Variants in FAM83F observed in about 807,000 individuals in gnomAD.
FAM83F encodes the protein protein FAM83F.
A neutral mutation model predicts 42.9 loss-of-function variants in FAM83F; 45 were observed. The ratio of observed to expected loss-of-function variants is 1.05; its 90% CI spans 0.83 to 1.35. The LOEUF (loss-of-function observed/expected upper bound fraction) is 1.35. FAM83F is among the 40% of genes most tolerant of loss of function. FAM83F has a pLI of 0.00. For missense variants in FAM83F, 617 were observed against 695.9 expected (o/e 0.89, Z 1.28); for synonymous variants, 306 against 298.3 (o/e 1.03, Z -0.27).
rs986523654 is a variant in FAM83F, at chr22:39,995,588, C to A, written c.489+57C>A. On this transcript the variant is annotated intron_variant, in intron 1 of 4. Coordinates refer to ENST00000333407, the MANE Select transcript of FAM83F (RefSeq NM_138435.4). The surrounding 1 kb of genome is among the most constrained non-coding windows in gnomAD (Gnocchi z 4.6). ...GGACCTCGGCCCCAGTCCCCTGGAC[C>A]GGGCCCCACCTCCCAGGCAGGGCCC... 2 of 1,466,346 alleles carry A rather than the reference C, an allele frequency of 1.4e-6. No homozygotes were observed. The highest frequency in any genetic ancestry group is 9.1e-7 in the Non-Finnish European group (1 of 1,104,912). 90.8% of individuals were successfully genotyped at this position (1,466,346 alleles called of 1,614,324 possible). A position where few individuals can be genotyped will look rare whatever the true frequency, so the allele number is the denominator to read the frequency against.
Position 40,035,633 on chromosome 22 carries a change from G to T in FAM83F, c.*6068G>T, listed in dbSNP as rs1297753441. Reference sequence around the variant, plus strand: ...CCTTGGCGGGGGCGCATGGCATAGAGAGGACAGGCTTCAGAACAGGCAGGC... The same window carrying T: ...CCTTGGCGGGGGCGCATGGCATAGATAGGACAGGCTTCAGAACAGGCAGGC... On this transcript the variant is annotated 3_prime_UTR_variant, in exon 5 of 5. Transcript: ENST00000333407. 3 of 152,242 alleles carry T rather than the reference G, an allele frequency of 2.0e-5. No individual in the cohort carries two copies. The highest frequency in any genetic ancestry group is 7.2e-5 in the African/African-American group (3 of 41,448). The allele number at this position is 152,242 out of a possible 1,614,324, so 9.4% of individuals were successfully genotyped here.
rs1446713112 is a variant in FAM83F, at chr22:40,035,344, G to C, written c.*5779G>C. The C allele has an allele frequency of 6.6e-6, 1 of 152,276 alleles. No homozygotes were observed. Among genetic ancestry groups the C allele is most frequent in the East Asian group, 1.9e-4 (1 of 5,194 alleles). The allele number at this position is 152,276 out of a possible 1,614,324, so 9.4% of individuals were successfully genotyped here. A position where few individuals can be genotyped will look rare whatever the true frequency, so the allele number is the denominator to read the frequency against. ...GTATGTCCGCGGTGCCCACAGTGCT[G>C]TGGGTACAAGCAAGGGGAAAAGAGC... is the stretch of plus-strand genomic sequence containing the variant. On this transcript the variant is annotated 3_prime_UTR_variant, in exon 5 of 5. Coordinates refer to ENST00000333407, the MANE Select transcript of FAM83F (RefSeq NM_138435.4).
At chr22:40,019,076 T>C in intron 1 of FAM83F, 92 bp from the exon 2 acceptor site, 2 of 1,481,020 alleles carry the variant, frequency 1.4e-6, no homozygotes, top group Non-Finnish European at 1.8e-6. Context: ...TGGCCACCAG[T>C]GACCCCAGGG....
At chr22:40,013,437 A>G (rs997090105) in intron 1 of FAM83F, among the ~76,000 whole-genome samples, 4 of 152,148 alleles carry the variant, frequency 2.6e-5, no homozygotes, top group African/African-American at 7.2e-5. Flanking sequence ...GTGGGTATAC[A>G]TGTATATATG....
intron 1 of FAM83F, among the ~76,000 whole-genome samples, chr22:39,998,587 A>C (rs1373436264): frequency 6.6e-6 from 1 of 152,038 alleles, no homozygotes. Flanking sequence ...GACTGGTAGG[A>C]GGGCCTTTGA....
intron 1 of FAM83F, among the ~76,000 whole-genome samples, chr22:40,017,102 A>G (rs2067496322): frequency 6.6e-6 from 1 of 152,106 alleles, no homozygotes; most frequent in African/African-American, 2.4e-5. Context: ...GGTATTGTGT[A>G]GGGCAGGGCA....
intron 4 of FAM83F, among the ~76,000 whole-genome samples, chr22:40,029,083 G>A (rs1294644613): frequency 8.6e-3 from 21 of 2,456 alleles, no homozygotes; most frequent in African/African-American, 0.043. Flanking sequence ...GGCTAGACGT[G>A]TGTGTGTGTG....
intron 4 of FAM83F, among the ~76,000 whole-genome samples, chr22:40,027,427 A>G (rs1177686485): frequency 2.6e-5 from 4 of 152,034 alleles, no homozygotes; most frequent in Non-Finnish European, 4.4e-5. Flanking sequence ...CTTATGTCAC[A>G]TGGCTCCGCT....
At chr22:40,006,195 G>T (rs1423827130) in intron 1 of FAM83F, among the ~76,000 whole-genome samples, 1 of 151,432 alleles carries the variant, frequency 6.6e-6, no homozygotes, top group East Asian at 1.9e-4. Context: ...AGCAGAGATT[G>T]CACCATTGCA....
Position 40,021,776 on chromosome 22 carries a change from C to A in FAM83F, c.1266C>A (p.Asn422Lys), listed in dbSNP as rs5995793. 4.3e-6 allele frequency: 7 copies of A among 1,612,374 alleles called. No individual in the cohort carries two copies. The highest frequency in any genetic ancestry group is 5.9e-6 in the Non-Finnish European group (7 of 1,179,556). The change falls in exon 4 of 5, where the codon AAC (asparagine) becomes AAA (lysine). Residue 422 changes from asparagine to lysine, a missense_variant. By Grantham distance (94) the Asn-to-Lys change is moderately conservative. Transcript: ENST00000333407. The surrounding 1 kb of genome is among the most constrained non-coding windows in gnomAD (Gnocchi z 8.7). Reference protein sequence around the residue: ...KPKSREAPSRNGMGEAARGEA... With the variant: ...KPKSREAPSRKGMGEAARGEA... ...AATCCCGAGAGGCACCCAGCCGAAA[C>A]GGCATGGGAGAAGCGGCCCGGGGGG...
chr22:40,007,109 C>T (rs117741951), intron 1 of FAM83F, among the ~76,000 whole-genome samples: 2,813 of 151,866 alleles, frequency 0.019, 34 homozygotes, highest in Middle Eastern at 0.041. Context: ...CAGTACACTT[C>T]CGTACTGTTG....
Position 39,995,468 on chromosome 22 carries a change from C to T in FAM83F, c.426C>T (p.Pro142=). 6.4e-7 allele frequency: 1 copy of T among 1,574,748 alleles called. No individual in the cohort carries two copies. The highest frequency in any genetic ancestry group is 8.6e-7 in the Non-Finnish European group (1 of 1,159,832). Residue 142 remains proline (P), a synonymous_variant, in exon 1 of 5, where the codon CCC becomes CCT. Transcript: ENST00000333407. The surrounding 1 kb of genome is among the most constrained non-coding windows in gnomAD (Gnocchi z 4.6). The part of the protein sequence containing the change: ...VSRVTLFTHP[P]KDEKAPHLKQ... ...GGGTCACGCTCTTCACCCACCCGCCCAAGGACGAGAAGGCGCCGCACCTCA... is the reference window on the plus strand; with the variant it reads ...GGGTCACGCTCTTCACCCACCCGCCTAAGGACGAGAAGGCGCCGCACCTCA...
rs1278552297 is a variant in FAM83F, at chr22:40,021,221, G to T, written c.780-69G>T. 2.0e-6 allele frequency: 3 copies of T among 1,468,020 alleles called. No individual in the cohort carries two copies. In the East Asian group the frequency reaches 6.9e-5, roughly 34 times the overall value. 90.9% of individuals were successfully genotyped at this position (1,468,020 alleles called of 1,614,324 possible). A position where few individuals can be genotyped will look rare whatever the true frequency, so the allele number is the denominator to read the frequency against. On this transcript the variant is annotated intron_variant, in intron 3 of 4. Transcript: ENST00000333407. This position sits in a 1 kb window ranked among gnomAD's most constrained non-coding sequence, Gnocchi z 8.7. ...GTCTGGCCACAGCGGAGGGGCAGGT[G>T]GGGGCGGGGGCAGGGCAAGAGAGAG...
Position 40,019,989 on chromosome 22 carries a change from G to C in FAM83F, c.760G>C (p.Val254Leu). 6.2e-7 allele frequency: 1 copy of C among 1,613,436 alleles called. No homozygotes were observed. Among genetic ancestry groups the C allele is most frequent in the East Asian group, 2.2e-5 (1 of 44,818 alleles). ...SRFLMVDGDK[V>L]ATGSYRFTWS... ...GTTCCTGATGGTGGACGGTGACAAA[G>C]TGGCCACTGGATCTTACAGGTGAGT... The change falls in exon 3 of 5, where the codon GTG becomes CTG. Residue 254 changes from valine (V) to leucine (L), a missense_variant. Transcript: ENST00000333407.
At chr22:40,008,897 G>A (rs1272540066) in intron 1 of FAM83F, among the ~76,000 whole-genome samples, 1 of 152,174 alleles carries the variant, frequency 6.6e-6, no homozygotes, top group African/African-American at 2.4e-5. Context: ...CTGTGGGAAA[G>A]GGAAGAATTG....
intron 1 of FAM83F, among the ~76,000 whole-genome samples, chr22:39,999,318 G>C (rs776347907): frequency 1.3e-5 from 2 of 152,174 alleles, no homozygotes; most frequent in African/African-American, 4.8e-5. Flanking sequence ...TTGCGCCCAG[G>C]CTCCCTTGTG....
rs2067621585 is a variant in FAM83F, at chr22:40,035,959, A to G, written c.*6394A>G. On this transcript the variant is annotated 3_prime_UTR_variant, in exon 5 of 5. Coordinates refer to ENST00000333407, the MANE Select transcript of FAM83F (RefSeq NM_138435.4). The stretch of plus-strand genomic sequence containing the variant: ...TATTGAATCGTTGGCACACAGGGCT[A>G]ACTGCTTGTTCACCTGAAGGAAGCT... 1.3e-5 allele frequency: 2 copies of G among 152,132 alleles called. No homozygotes were observed. The highest frequency in any genetic ancestry group is 2.9e-5 in the Non-Finnish European group (2 of 68,016). 9.4% of individuals were successfully genotyped at this position (152,132 alleles called of 1,614,324 possible).
rs2067648618 is a variant in FAM83F, at chr22:40,041,170, G to A, written c.*11605G>A. On this transcript the variant is annotated 3_prime_UTR_variant, in exon 5 of 5. Transcript: ENST00000333407. ...CTTCCCCTCCAGCAAAAAGCCAACTGTATAGAACACCACATATAGAGCGCT... is the reference window on the plus strand; with the variant it reads ...CTTCCCCTCCAGCAAAAAGCCAACTATATAGAACACCACATATAGAGCGCT... 1 of 152,238 alleles carries A rather than the reference G, an allele frequency of 6.6e-6. No individual in the cohort carries two copies. The highest frequency in any genetic ancestry group is 2.1e-4 in the South Asian group (1 of 4,824). 9.4% of individuals were successfully genotyped at this position (152,238 alleles called of 1,614,324 possible). A position where few individuals can be genotyped will look rare whatever the true frequency, so the allele number is the denominator to read the frequency against.
chr22:40,038,445 G>A lies in FAM83F; in HGVS notation c.*8880G>A, dbSNP rs1456169500. 2 of 152,244 alleles carry A rather than the reference G, an allele frequency of 1.3e-5. No individual in the cohort carries two copies. Among genetic ancestry groups the A allele is most frequent in the Admixed American group, 1.3e-4 (2 of 15,282 alleles). 9.4% of individuals were successfully genotyped at this position (152,244 alleles called of 1,614,324 possible). The stretch of plus-strand genomic sequence containing the variant: ...TAGGTTTTGCCCGCAAAGCCTTCCT[G>A]TCTGGTGGGTGAGACAGTCTACAGC... On this transcript the variant is annotated 3_prime_UTR_variant, in exon 5 of 5. Transcript: ENST00000333407.
Sources: gnomAD v4.1 joint callset for allele counts (sites outside exome capture counted in the v4.1 genomes callset) on GRCh38, gnomAD v4.1.1 for gene constraint, Gnocchi (gnomAD v3.1) non-coding constraint, MANE v1.5 for transcripts, NCBI Gene and HGNC (gene_info 2026-07-23, HGNC 2026-07-21) for gene names.